Variants in SLC35F3 observed in about 807,000 individuals in gnomAD.
SLC35F3 encodes solute carrier family 35 member F3.
A neutral mutation model predicts 49.9 loss-of-function variants in SLC35F3; 25 were observed. That is an observed-to-expected ratio of 0.50 (90% CI 0.37 to 0.70). The LOEUF (loss-of-function observed/expected upper bound fraction) is 0.70. Ranked by LOEUF, SLC35F3 falls within the 30% of genes least tolerant of loss-of-function variation. The pLI, the probability that SLC35F3 is intolerant of heterozygous loss-of-function variation, is 0.00. For synonymous variants in SLC35F3, 275 were observed against 265.4 expected (o/e 1.04, Z -0.35); for missense variants, 525 against 639.8 (o/e 0.82, Z 1.94).
chr1:233,978,182 T>A (rs1344856774), intron 2 of SLC35F3, among the ~76,000 whole-genome samples: 1 of 151,930 alleles, frequency 6.6e-6, no homozygotes, highest in African/African-American at 2.4e-5. Context: ...AAAAAGGTAG[T>A]AAAGGGAGAC....
At chr1:234,278,534 G>A (rs1388167039) in intron 3 of SLC35F3, among the ~76,000 whole-genome samples, 1 of 151,418 alleles carries the variant, frequency 6.6e-6, no homozygotes, top group Non-Finnish European at 1.5e-5. Flanking sequence ...AACTAAAGCT[G>A]AGTTGTCATT....
intron 2 of SLC35F3, among the ~76,000 whole-genome samples, chr1:234,032,721 T>G (rs1248166167): frequency 6.6e-6 from 1 of 152,228 alleles, no homozygotes; most frequent in Admixed American, 6.5e-5. Context: ...TTTTTTGTGG[T>G]GGAATATTCC....
chr1:234,214,550 G>A lies in SLC35F3; in HGVS notation c.284-16867G>A. 1 of 1,559,544 alleles carries A rather than the reference G, an allele frequency of 6.4e-7. No individual in the cohort carries two copies. The highest frequency in any genetic ancestry group is 8.7e-7 in the Non-Finnish European group (1 of 1,155,302). ...CCCGCTCAGCGCCTGCAACAGTCCG[G>A]TCCTGACCCTTACCAAAGTGGAAGG... is the stretch of plus-strand genomic sequence containing the variant. On this transcript the variant is annotated intron_variant, in intron 2 of 7. Transcript: ENST00000366618. The surrounding 1 kb of genome is among the most constrained non-coding windows in gnomAD (Gnocchi z 8.0).
Position 234,288,567 on chromosome 1 carries a change from G to A in SLC35F3, c.609-20534G>A, listed in dbSNP as rs377410919. 2.1e-3 allele frequency among the ~76,000 whole-genome samples: 319 copies of A among 152,294 alleles called. 1 individual carries two copies. Among genetic ancestry groups the A allele is most frequent in the African/African-American group, 6.8e-3 (282 of 41,570 alleles). On this transcript the variant is annotated intron_variant, in intron 3 of 7. Coordinates refer to ENST00000366618, the MANE Select transcript of SLC35F3 (RefSeq NM_173508.4). ...CTCAAAGGATTTCCCATAAACTGACGTCTGTCCTTTTTGAAGGAAGGGTAT... is the reference window on the plus strand; with the variant it reads ...CTCAAAGGATTTCCCATAAACTGACATCTGTCCTTTTTGAAGGAAGGGTAT...
At position 234,231,408 on chromosome 1, in the gene SLC35F3, C is replaced by T; in HGVS notation, c.284-9C>T. The T allele has an allele frequency of 6.6e-7, 1 of 1,524,628 alleles. No homozygotes were observed. Among genetic ancestry groups the T allele is most frequent in the Non-Finnish European group, 8.8e-7 (1 of 1,139,396 alleles). The allele number at this position is 1,524,628 out of a possible 1,614,324, so 94.4% of individuals were successfully genotyped here. The stretch of plus-strand genomic sequence containing the variant: ...CAGGCCCCGCTAACCACGCCCTTCT[C>T]TTCCCCAGGGGAGGAGCGCCCCCGG... On this transcript the variant is annotated splice_polypyrimidine_tract_variant and intron_variant, in intron 2 of 7. Coordinates refer to ENST00000366618, the MANE Select transcript of SLC35F3 (RefSeq NM_173508.4). This position sits in a 1 kb window ranked among gnomAD's most constrained non-coding sequence, Gnocchi z 5.4.
At chr1:234,067,359 G>A (rs1407724258) in intron 2 of SLC35F3, among the ~76,000 whole-genome samples, 3 of 151,968 alleles carry the variant, frequency 2.0e-5, no homozygotes, top group Non-Finnish European at 4.4e-5. Flanking sequence ...ATATCCCATG[G>A]GCTAAAAAGC....
chr1:233,921,773 G>A (rs1425099181), intron 2 of SLC35F3, among the ~76,000 whole-genome samples: 3 of 151,768 alleles, frequency 2.0e-5, no homozygotes, highest in Non-Finnish European at 4.4e-5. Flanking sequence ...ATTTACATTA[G>A]GTATTTCTCC....
intron 2 of SLC35F3, among the ~76,000 whole-genome samples, chr1:234,220,618 G>A (rs1433460593): frequency 6.6e-6 from 1 of 152,168 alleles, no homozygotes; most frequent in African/African-American, 2.4e-5. Flanking sequence ...TGAGACAACT[G>A]CCATGTGGTA....
rs1358917847 is a variant in SLC35F3 at position 234,272,287 on chromosome 1, A to C, written c.609-36814A>C. On this transcript the variant is annotated intron_variant, in intron 3 of 7. Transcript: ENST00000366618. ...AGTAATAGAAGGGCAGCACGTAATT[A>C]TTAATAAAACTTTTCAAAGAGGACA... The C allele has an allele frequency of 2.0e-5, 3 of 152,236 alleles. 1 individual carries two copies. The highest frequency in any genetic ancestry group is 7.2e-5 in the African/African-American group (3 of 41,448). 9.4% of individuals were successfully genotyped at this position (152,236 alleles called of 1,614,324 possible).
intron 2 of SLC35F3, among the ~76,000 whole-genome samples, chr1:234,028,538 G>A (rs1164362083): frequency 6.6e-6 from 1 of 152,184 alleles, no homozygotes; most frequent in East Asian, 1.9e-4. Context: ...GTTCTGTGGA[G>A]GTAGGCTGGA....
At chr1:234,161,187 T>C (rs1471007330) in intron 2 of SLC35F3, among the ~76,000 whole-genome samples, 1 of 152,224 alleles carries the variant, frequency 6.6e-6, no homozygotes, top group East Asian at 1.9e-4. Context: ...TGCCAGCCAC[T>C]AGGCTAAGTG....
chr1:234,315,524 G>T (rs900352830), intron 4 of SLC35F3, among the ~76,000 whole-genome samples: 3 of 152,178 alleles, frequency 2.0e-5, no homozygotes, highest in Non-Finnish European at 4.4e-5. Context: ...TAACCTCTGT[G>T]AGCCTAGGTT....
intron 2 of SLC35F3, among the ~76,000 whole-genome samples, chr1:233,972,744 T>G (rs1663016648): frequency 6.6e-6 from 1 of 152,224 alleles, no homozygotes; most frequent in South Asian, 2.1e-4. Context: ...AAACATTACT[T>G]GGGTGTATGA....
intron 2 of SLC35F3, among the ~76,000 whole-genome samples, chr1:234,112,180 T>A (rs1273630047): frequency 6.6e-6 from 1 of 151,742 alleles, no homozygotes; most frequent in Non-Finnish European, 1.5e-5. Flanking sequence ...TACAAAAAAA[T>A]AAAAATAAAA....
intron 2 of SLC35F3, among the ~76,000 whole-genome samples, chr1:233,973,372 G>A (rs915124331): frequency 2.0e-5 from 3 of 152,190 alleles, no homozygotes; most frequent in Non-Finnish European, 2.9e-5. Context: ...ACCATGTTCA[G>A]GCACATGAGG....
At chr1:234,283,807 G>C (rs1668366869) in intron 3 of SLC35F3, among the ~76,000 whole-genome samples, 1 of 152,096 alleles carries the variant, frequency 6.6e-6, no homozygotes, top group Non-Finnish European at 1.5e-5. Flanking sequence ...GATCAGCCTT[G>C]GTACCTAGGA....
At chr1:234,300,041 T>A (rs1668669381) in intron 3 of SLC35F3, among the ~76,000 whole-genome samples, 1 of 149,698 alleles carries the variant, frequency 6.7e-6, no homozygotes, top group South Asian at 2.1e-4. Context: ...AGTAAAAAAA[T>A]ATAACTATGA....
At chr1:234,108,602 G>T (rs1382929584) in intron 2 of SLC35F3, among the ~76,000 whole-genome samples, 2 of 88,990 alleles carry the variant, frequency 2.2e-5, no homozygotes, top group African/African-American at 1.2e-4. Flanking sequence ...ACATATAAAA[G>T]ATATATATTT....
intron 3 of SLC35F3, among the ~76,000 whole-genome samples, chr1:234,303,573 C>T (rs894519721): frequency 3.9e-5 from 6 of 152,216 alleles, no homozygotes; most frequent in Admixed American, 3.9e-4. Flanking sequence ...GCTGAAAATG[C>T]CTTCAATCTA....
Sources: gnomAD v4.1 joint callset for allele counts (sites outside exome capture counted in the v4.1 genomes callset) on GRCh38, gnomAD v4.1.1 for gene constraint, Gnocchi (gnomAD v3.1) non-coding constraint, MANE v1.5 for transcripts, NCBI Gene and HGNC (gene_info 2026-07-23, HGNC 2026-07-21) for gene names.